Variants in CFAP58 observed in about 807,000 individuals in gnomAD.
CFAP58 encodes the protein cilia- and flagella-associated protein 58.
CFAP58 carries 88 observed loss-of-function variants against 119.5 expected under a neutral mutation model. The ratio of observed to expected loss-of-function variants is 0.74; its 90% CI spans 0.62 to 0.88. CFAP58 has a LOEUF of 0.88. CFAP58 is among the 40% of genes least tolerant of loss of function. The pLI, the probability that CFAP58 is intolerant of heterozygous loss-of-function variation, is 0.00. For missense variants in CFAP58, 990 were observed against 1,021.2 expected (o/e 0.97, Z 0.42); for synonymous variants, 365 against 366.3 (o/e 1.00, Z 0.04).
chr10:104,364,338 G>A (rs866555300), intron 3 of CFAP58, among the ~76,000 whole-genome samples: 7 of 151,330 alleles, frequency 4.6e-5, no homozygotes, highest in African/African-American at 1.7e-4. Flanking sequence ...CAGAGGTGTG[G>A]AAAGTATCAA....
intron 16 of CFAP58, among the ~76,000 whole-genome samples, 185 bp downstream of exon 16, chr10:104,448,002 G>T (rs1454689911): frequency 6.6e-6 from 1 of 152,164 alleles, no homozygotes; most frequent in Non-Finnish European, 1.5e-5. Context: ...TTCTCTTCCT[G>T]GACTATTAGA....
In CFAP58 at chr10:104,400,658, A is replaced by T. The variant is rs200270613; in HGVS notation, c.1816-22A>T. The T allele has an allele frequency of 1.9e-6, 3 of 1,599,986 alleles. 1 individual carries two copies. Among genetic ancestry groups the T allele is most frequent in the East Asian group, 4.5e-5 (2 of 44,816 alleles). ...TAAGGCTCCTCCTTCCCTGGTGACT[A>T]TGCCCCTCCCTACCTTCCTAGGTCA... On this transcript the variant is annotated intron_variant, in intron 12 of 17. Coordinates refer to ENST00000369704, the MANE Select transcript of CFAP58 (RefSeq NM_001008723.2).
intron 1 of CFAP58, among the ~76,000 whole-genome samples, chr10:104,357,846 TAC>T (rs1211105842): frequency 1.1e-4 from 5 of 46,142 alleles, no homozygotes; most frequent in East Asian, 8.3e-4. Flanking sequence ...TACACATATG[TAC>T]ACATATATAC....
intron 7 of CFAP58, among the ~76,000 whole-genome samples, chr10:104,371,791 A>G (rs1377383608): frequency 1.3e-5 from 2 of 152,202 alleles, no homozygotes; most frequent in Admixed American, 6.5e-5. Flanking sequence ...ATTAAAATAC[A>G]GTATACTTGT....
chr10:104,380,212 A>G lies in CFAP58; in HGVS notation c.1357A>G (p.Thr453Ala). Residue 453 changes from threonine to alanine, a missense_variant, in exon 9 of 18, where the codon ACG (threonine) becomes GCG (alanine). Transcript: ENST00000369704. ...GTACATCAACCAAGCCAGTGACCTT[A>G]CGCAAAAGGTAAGCTGCTCAGTGAT... is the stretch of plus-strand genomic sequence containing the variant. ...DRYINQASDL[T>A]QKVLMNMEDI... 1 of 1,613,606 alleles carries G rather than the reference A, an allele frequency of 6.2e-7. No individual in the cohort carries two copies. Among genetic ancestry groups the G allele is most frequent in the South Asian group, 1.1e-5 (1 of 90,992 alleles).
chr10:104,357,942 TGTAC>T (rs2014597466), intron 1 of CFAP58, among the ~76,000 whole-genome samples: 1 of 128,708 alleles, frequency 7.8e-6, no homozygotes, highest in Non-Finnish European at 1.5e-5. Flanking sequence ...CACACATATA[TGTAC>T]ACATATATAC....
Position 104,420,751 on chromosome 10 carries a change from A to ATT in CFAP58, c.2256+13976_2256+13977dup, listed in dbSNP as rs66462966. On this transcript the variant is annotated intron_variant, in intron 15 of 17. Coordinates refer to ENST00000369704, the MANE Select transcript of CFAP58 (RefSeq NM_001008723.2). ...CTTTTTAAACATTTTTTTATATTTG[A>ATT]TTTTTTTTTTTTTTTTTTTGAGACA... Among the ~76,000 whole-genome samples the ATT allele has an allele frequency of 2.4e-3, 297 of 121,608 alleles. 3 individuals carry two copies. The highest frequency in any genetic ancestry group is 6.8e-3 in the African/African-American group (215 of 31,698). 79.8% of individuals were successfully genotyped at this position (121,608 alleles called of 152,430 possible).
chr10:104,414,156 A>G (rs551373437), intron 15 of CFAP58, among the ~76,000 whole-genome samples: 1 of 152,276 alleles, frequency 6.6e-6, no homozygotes, highest in African/African-American at 2.4e-5. Flanking sequence ...ACCCCAGCTA[A>G]TGGCAGGCTG....
chr10:104,387,818 C>A (rs2011954554), intron 9 of CFAP58, among the ~76,000 whole-genome samples: 1 of 152,168 alleles, frequency 6.6e-6, no homozygotes, highest in Non-Finnish European at 1.5e-5. Flanking sequence ...AAACTTCTGG[C>A]AGTCACCTCG....
At chr10:104,386,392 A>T (rs2011926092) in intron 9 of CFAP58, among the ~76,000 whole-genome samples, 1 of 106,764 alleles carries the variant, frequency 9.4e-6, no homozygotes, top group Non-Finnish European at 2.2e-5. Flanking sequence ...AAAAAAAAAT[A>T]AATAAATAAA....
chr10:104,342,001 G>A, the CFAP58 span, among the ~76,000 whole-genome samples: 13 of 152,126 alleles, frequency 8.5e-5, no homozygotes, highest in East Asian at 1.3e-3. Context: ...TGCAAGTAAC[G>A]GAATACCAGA....
intron 15 of CFAP58, among the ~76,000 whole-genome samples, chr10:104,437,502 CA>C (rs1468762047): frequency 6.6e-6 from 1 of 152,068 alleles, no homozygotes; most frequent in Non-Finnish European, 1.5e-5. Context: ...CCCAACAGCA[CA>C]ATGCAAATAT....
At chr10:104,451,910 T>G (rs187563943) in intron 17 of CFAP58, among the ~76,000 whole-genome samples, 1 of 151,400 alleles carries the variant, frequency 6.6e-6, no homozygotes, top group Non-Finnish European at 1.5e-5. Flanking sequence ...TTTTTTTTTT[T>G]GTATTTTTAG....
rs546646161 is a variant in CFAP58 at position 104,400,855 on chromosome 10, G to C, written c.1991G>C (p.Arg664Pro). Residue 664 changes from arginine (R) to proline (P), a missense_variant, in exon 13 of 18, where the codon CGG becomes CCG. Transcript: ENST00000369704. The part of the protein sequence containing the change: ...ILRLEIKKLR[R>P]EKGILARSMA... ...AGACTTGAGATCAAGAAGCTTCGCCGGGAAAAGGGGATTCTTGCCAGGAGT... is the reference window on the plus strand; with the variant it reads ...AGACTTGAGATCAAGAAGCTTCGCCCGGAAAAGGGGATTCTTGCCAGGAGT... 4.1e-5 allele frequency: 66 copies of C among 1,614,166 alleles called. No homozygotes were observed. The South Asian group carries it at 6.9e-4, about 17-fold the overall frequency.
Position 104,438,335 on chromosome 10 carries a change from TTTTTTGTTTTTTGTTTTTTTTTTTTG to T in CFAP58, c.2257-9357_2257-9332del, listed in dbSNP as rs1210600333. ...AATGGGAATTTTTATTGTTTTTTTG[TTTTTTGTTTTTTGTTTTTTTTTTTTG>T]TTTTTTTTTTTTGTTTTTTTTTTTT... On this transcript the variant is annotated intron_variant, in intron 15 of 17. Transcript: ENST00000369704. Among the ~76,000 whole-genome samples, 43 of 132,760 alleles carry T rather than the reference TTTTTTGTTTTTTGTTTTTTTTTTTTG, an allele frequency of 3.2e-4. 2 individuals carry two copies. Among genetic ancestry groups the T allele is most frequent in the African/African-American group, 3.9e-4 (12 of 30,730 alleles). The allele number at this position is 132,760 out of a possible 152,430, so 87.1% of individuals were successfully genotyped here.
intron 15 of CFAP58, among the ~76,000 whole-genome samples, chr10:104,407,686 A>C (rs1336210598): frequency 6.6e-6 from 1 of 152,140 alleles, no homozygotes; most frequent in Non-Finnish European, 1.5e-5. Context: ...TGGATTCCAA[A>C]ACCCATAATT....
At chr10:104,395,196 A>G (rs1044741987) in intron 11 of CFAP58, among the ~76,000 whole-genome samples, 4 of 152,230 alleles carry the variant, frequency 2.6e-5, no homozygotes, top group Admixed American at 2.0e-4. Context: ...TGTTTCATTT[A>G]TGGCCTCTGC....
chr10:104,443,624 T>C (rs1053727346), intron 15 of CFAP58, among the ~76,000 whole-genome samples: 1 of 152,174 alleles, frequency 6.6e-6, no homozygotes, highest in African/African-American at 2.4e-5. Context: ...GGTGCTGAGG[T>C]GCATGTTGAA....
intron 15 of CFAP58, among the ~76,000 whole-genome samples, chr10:104,437,862 T>C (rs2012959179): frequency 6.6e-6 from 1 of 152,166 alleles, no homozygotes; most frequent in Non-Finnish European, 1.5e-5. Context: ...TGTATAAATC[T>C]TGCTACGTTA....
Sources: allele counts gnomAD v4.1 joint callset (sites outside exome capture counted in the v4.1 genomes callset), GRCh38; gene constraint gnomAD v4.1.1; transcripts MANE v1.5; gene names NCBI Gene and HGNC (gene_info 2026-07-23, HGNC 2026-07-21).